SLC35F1: variants seen among roughly 807,000 people sequenced by gnomAD.
SLC35F1 encodes the protein solute carrier family 35 member F1, also known as chromosome 6 open reading frame 169.
In SLC35F1, 14 loss-of-function variants were observed where a neutral mutation model predicts 48.7. The ratio of observed to expected loss-of-function variants is 0.29; its 90% CI spans 0.19 to 0.45. The LOEUF (loss-of-function observed/expected upper bound fraction) is 0.45. Ranked by LOEUF, SLC35F1 falls within the 20% of genes least tolerant of loss-of-function variation. SLC35F1 has a pLI of 1.00. For synonymous variants in SLC35F1, 190 were observed against 202.2 expected, an observed-to-expected ratio of 0.94 and a Z score of 0.51; for missense variants, 404 against 500.0, an observed-to-expected ratio of 0.81 and a Z score of 1.83.
chr6:118,298,934 G>A (rs1776224766), intron 7 of SLC35F1, among the ~76,000 whole-genome samples: 1 of 152,146 alleles, frequency 6.6e-6, no homozygotes, highest in Non-Finnish European at 1.5e-5. Context: ...CAGCACACTG[G>A]GAGGCCAAGG....
At chr6:118,157,573 C>A (rs899541121) in intron 2 of SLC35F1, among the ~76,000 whole-genome samples, 1 of 152,192 alleles carries the variant, frequency 6.6e-6, no homozygotes, top group African/African-American at 2.4e-5. Flanking sequence ...AACAGTGCAG[C>A]CTTCAGTCTG....
At chr6:118,031,681 G>A (rs1333669870) in intron 1 of SLC35F1, among the ~76,000 whole-genome samples, 3 of 152,220 alleles carry the variant, frequency 2.0e-5, no homozygotes, top group South Asian at 2.1e-4. Context: ...TGCTCCTGCA[G>A]AGTAGGGCAA....
Position 118,316,586 on chromosome 6 carries a change from C to A in SLC35F1, c.*2334C>A, listed in dbSNP as rs1776440304. Reference sequence around the variant, plus strand: ...TTAATTTGTAGACACTTAGTAAAGTCTTATGAGAAGCAAGTGGATGAAATT... The same window carrying A: ...TTAATTTGTAGACACTTAGTAAAGTATTATGAGAAGCAAGTGGATGAAATT... On this transcript the variant is annotated 3_prime_UTR_variant, in exon 8 of 8. Transcript: ENST00000360388. 6.6e-6 allele frequency: 1 copy of A among 152,554 alleles called. No individual in the cohort carries two copies. Among genetic ancestry groups the A allele is most frequent in the South Asian group, 2.1e-4 (1 of 4,820 alleles). 9.5% of individuals were successfully genotyped at this position (152,554 alleles called of 1,614,324 possible).
At chr6:118,173,595 A>T (rs1774442388) in intron 2 of SLC35F1, among the ~76,000 whole-genome samples, 1 of 152,140 alleles carries the variant, frequency 6.6e-6, no homozygotes, top group African/African-American at 2.4e-5. Context: ...GCTAAAAGCG[A>T]TCCTAAGTGT....
chr6:118,071,134 C>T lies in SLC35F1; in HGVS notation c.174-83311C>T, dbSNP rs569889157. On this transcript the variant is annotated intron_variant, in intron 1 of 7. Transcript: ENST00000360388. ...ATATATATACATATATACATATATA[C>T]ATATATATACATTCTATGTATATAC... 3.8e-4 allele frequency among the ~76,000 whole-genome samples: 42 copies of T among 111,926 alleles called. 1 individual carries two copies. The highest frequency in any genetic ancestry group is 1.9e-3 in the East Asian group (7 of 3,716). 73.4% of individuals were successfully genotyped at this position (111,926 alleles called of 152,430 possible). A position where few individuals can be genotyped will look rare whatever the true frequency, so the allele number is the denominator to read the frequency against.
intron 1 of SLC35F1, among the ~76,000 whole-genome samples, chr6:118,095,470 A>G (rs1054157573): frequency 6.6e-6 from 1 of 152,168 alleles, no homozygotes. Flanking sequence ...CATGCTTGAC[A>G]GGATTTTTTT....
At chr6:118,001,665 C>T (rs778597822) in intron 1 of SLC35F1, among the ~76,000 whole-genome samples, 1 of 151,910 alleles carries the variant, frequency 6.6e-6, no homozygotes, top group Non-Finnish European at 1.5e-5. Context: ...GAACAGGCAA[C>T]CTACAAAATG....
At chr6:118,154,084 T>C (rs1171774783) in intron 1 of SLC35F1, among the ~76,000 whole-genome samples, 4 of 152,176 alleles carry the variant, frequency 2.6e-5, no homozygotes, top group Non-Finnish European at 5.9e-5. Flanking sequence ...ATTAATGCTA[T>C]GGTGAGCATG....
intron 1 of SLC35F1, among the ~76,000 whole-genome samples, chr6:117,988,934 T>G (rs140353232): frequency 5.9e-5 from 9 of 152,298 alleles, no homozygotes; most frequent in Admixed American, 3.9e-4. Flanking sequence ...ATGGGCAAAT[T>G]TTATGTTATG....
intron 1 of SLC35F1, among the ~76,000 whole-genome samples, chr6:117,963,596 C>A (rs1173308801): frequency 6.6e-6 from 1 of 152,060 alleles, no homozygotes; most frequent in Non-Finnish European, 1.5e-5. Context: ...TTTTAAACTC[C>A]TAAAGTCTTT....
chr6:118,180,504 T>G (rs1774559110), intron 2 of SLC35F1, among the ~76,000 whole-genome samples: 1 of 151,978 alleles, frequency 6.6e-6, no homozygotes, highest in South Asian at 2.1e-4. Flanking sequence ...CAAAAATTGA[T>G]CAGGTAGATC....
intron 1 of SLC35F1, among the ~76,000 whole-genome samples, chr6:118,130,994 A>G (rs569309760): frequency 1.7e-4 from 26 of 152,328 alleles, no homozygotes; most frequent in African/African-American, 6.3e-4. Context: ...AATATCTGAC[A>G]TGGCAAGGTA....
At chr6:118,258,042 G>A (rs1364898547) in intron 3 of SLC35F1, among the ~76,000 whole-genome samples, 1 of 152,042 alleles carries the variant, frequency 6.6e-6, no homozygotes, top group African/African-American at 2.4e-5. Flanking sequence ...ATTTGAACAG[G>A]TAAAACTGAA....
chr6:118,154,185 C>T (rs1170454493), intron 1 of SLC35F1, among the ~76,000 whole-genome samples: 1 of 152,112 alleles, frequency 6.6e-6, no homozygotes, highest in Non-Finnish European at 1.5e-5. Flanking sequence ...GAGATTTGGT[C>T]TCAAATTCCA....
At chr6:118,085,973 G>A (rs1772984632) in intron 1 of SLC35F1, among the ~76,000 whole-genome samples, 1 of 151,990 alleles carries the variant, frequency 6.6e-6, no homozygotes, top group Non-Finnish European at 1.5e-5. Flanking sequence ...GAAAGTTCAA[G>A]GAGTCACTGA....
intron 1 of SLC35F1, among the ~76,000 whole-genome samples, chr6:118,079,181 A>T (rs1772869135): frequency 6.6e-6 from 1 of 152,188 alleles, no homozygotes; most frequent in Admixed American, 6.5e-5. Context: ...CTCTGTAAAT[A>T]TTAAGCAATA....
intron 1 of SLC35F1, among the ~76,000 whole-genome samples, chr6:118,103,765 G>C (rs1380214854): frequency 6.6e-6 from 1 of 152,132 alleles, no homozygotes; most frequent in Admixed American, 6.5e-5. Flanking sequence ...GGTTTGCCTC[G>C]TTTACTGTTG....
intron 2 of SLC35F1, among the ~76,000 whole-genome samples, chr6:118,180,104 G>A (rs1480473298): frequency 6.6e-6 from 1 of 152,096 alleles, no homozygotes; most frequent in Admixed American, 6.6e-5. Flanking sequence ...GAGAATTTCT[G>A]ACCATAGCCC....
intron 1 of SLC35F1, among the ~76,000 whole-genome samples, chr6:118,047,796 T>A (rs1333956359): frequency 6.6e-6 from 1 of 152,154 alleles, no homozygotes; most frequent in African/African-American, 2.4e-5. Context: ...GGGGCGCATG[T>A]TGGGAGTGGA....
Sources: allele counts gnomAD v4.1 joint callset (sites outside exome capture counted in the v4.1 genomes callset), GRCh38; gene constraint gnomAD v4.1.1; transcripts MANE v1.5; gene names NCBI Gene and HGNC (gene_info 2026-07-23, HGNC 2026-07-21).